Variants in PGAP4 observed in about 807,000 individuals in gnomAD.
The protein encoded by PGAP4 is GPI-N-acetylgalactosamine transferase PGAP4.
A neutral mutation model predicts 28.2 loss-of-function variants in PGAP4; 12 were observed. The ratio of observed to expected loss-of-function variants is 0.42; its 90% CI spans 0.27 to 0.69. The LOEUF (loss-of-function observed/expected upper bound fraction) is 0.69, where lower values mean the gene tolerates loss of function less well. PGAP4 is among the 30% of genes least tolerant of loss of function. The pLI is 0.22. For missense variants in PGAP4, 425 were observed against 513.5 expected (o/e 0.83, Z 1.67); for synonymous variants, 205 against 211.8 (o/e 0.97, Z 0.28).
chr9:101,494,127 A>G (rs752604510), intron 2 of PGAP4, among the ~76,000 whole-genome samples: 1 of 152,034 alleles, frequency 6.6e-6, no homozygotes, highest in Non-Finnish European at 1.5e-5. Flanking sequence ...ACAGGAAGTG[A>G]CAATTTTTAT....
intron 2 of PGAP4, among the ~76,000 whole-genome samples, chr9:101,498,172 G>A (rs905367131): frequency 6.6e-6 from 1 of 151,716 alleles, no homozygotes; most frequent in South Asian, 2.1e-4. Context: ...TTTAATGTTT[G>A]CATTGTGGTG....
chr9:101,507,235 T>C (rs1432576969), intron 2 of PGAP4, among the ~76,000 whole-genome samples: 2 of 152,070 alleles, frequency 1.3e-5, no homozygotes, highest in South Asian at 2.1e-4. Flanking sequence ...CTGTGTTTGC[T>C]GACTAAGGAG....
chr9:101,533,161 G>A (rs1827122418), exon 1 of PGAP4: 1 of 152,130 alleles, frequency 6.6e-6, no homozygotes, highest in South Asian at 2.1e-4. Context: ...ACTGATTGGC[G>A]TTTATCTTTT....
intron 2 of PGAP4, among the ~76,000 whole-genome samples, chr9:101,530,856 C>A (rs1299241083): frequency 6.6e-6 from 1 of 152,188 alleles, no homozygotes; most frequent in Non-Finnish European, 1.5e-5. Flanking sequence ...GTTGGTGAAA[C>A]ATTATTCTGG....
rs1826207167 is a variant in PGAP4, at chr9:101,473,307, T to C, written c.*2574A>G. The C allele has an allele frequency of 6.6e-6, 1 of 152,238 alleles. No homozygotes were observed. Among genetic ancestry groups the C allele is most frequent in the Admixed American group, 6.5e-5 (1 of 15,280 alleles). The allele number at this position is 152,238 out of a possible 1,614,324, so 9.4% of individuals were successfully genotyped here. A position where few individuals can be genotyped will look rare whatever the true frequency, so the allele number is the denominator to read the frequency against. ...GCCTGTTAAGAGACCTCCACCCTTCTAGTAACCTATATCCCTTGATATGGG... is the reference window on the plus strand; with the variant it reads ...GCCTGTTAAGAGACCTCCACCCTTCCAGTAACCTATATCCCTTGATATGGG... On this transcript the variant is annotated 3_prime_UTR_variant, in exon 2 of 2. Transcript: ENST00000374848.
At chr9:101,496,246 G>C (rs891171001) in intron 2 of PGAP4, among the ~76,000 whole-genome samples, 1 of 149,156 alleles carries the variant, frequency 6.7e-6, no homozygotes. Context: ...AGTTGACAAA[G>C]GTTGAGAGAG....
At chr9:101,526,227 G>GT (rs1172736061) in intron 2 of PGAP4, among the ~76,000 whole-genome samples, 1 of 152,098 alleles carries the variant, frequency 6.6e-6, no homozygotes, top group Admixed American at 6.6e-5. Flanking sequence ...TCACTCTGTT[G>GT]TAAGTGGCTA....
intron 1 of PGAP4, among the ~76,000 whole-genome samples, chr9:101,483,006 G>A (rs1826528589): frequency 6.6e-6 from 1 of 152,180 alleles, no homozygotes; most frequent in Admixed American, 6.5e-5. Flanking sequence ...AGTTGCAAGA[G>A]GAAATTCAAG....
chr9:101,500,809 C>A (rs1187965288), intron 2 of PGAP4, among the ~76,000 whole-genome samples: 1 of 152,020 alleles, frequency 6.6e-6, no homozygotes, highest in African/African-American at 2.4e-5. Flanking sequence ...TGATGAAGAT[C>A]TAGATCCCCT....
At chr9:101,501,132 C>T (rs1351568656) in intron 2 of PGAP4, among the ~76,000 whole-genome samples, 1 of 152,074 alleles carries the variant, frequency 6.6e-6, no homozygotes, top group African/African-American at 2.4e-5. Context: ...TCAACCTTTT[C>T]TCTCTCCAGG....
Position 101,476,752 on chromosome 9 carries a change from C to G in PGAP4, c.341G>C (p.Gly114Ala). The change falls in exon 2 of 2, where the codon GGC (glycine) becomes GCC (alanine). Residue 114 changes from glycine to alanine, a missense_variant. Transcript: ENST00000374848. The surrounding 1 kb of genome is among the most constrained non-coding windows in gnomAD (Gnocchi z 7.0). ...CACAACCTGCAGGACGTAGTGGAAGCCAGGCTGCCTGTCCACAGTGATGAT... is the reference window on the plus strand; with the variant it reads ...CACAACCTGCAGGACGTAGTGGAAGGCAGGCTGCCTGTCCACAGTGATGAT... The part of the protein sequence containing the change: ...ITIITVDRQP[G>A]FHYVLQVVSQ... The G allele has an allele frequency of 6.2e-7, 1 of 1,613,636 alleles. No individual in the cohort carries two copies. Among genetic ancestry groups the G allele is most frequent in the Non-Finnish European group, 8.5e-7 (1 of 1,179,670 alleles).
chr9:101,477,922 G>A lies in PGAP4; in HGVS notation c.-77-753C>T, dbSNP rs191560235. ...TGAGTAGCTTTTCAATGAGGGAGCG[G>A]GGGGGGAAAGGCAGAGGTGAATATG... On this transcript the variant is annotated intron_variant, in intron 1 of 1. Coordinates refer to ENST00000374848, the MANE Select transcript of PGAP4 (RefSeq NM_032342.3). Among the ~76,000 whole-genome samples the A allele has an allele frequency of 9.7e-3, 1,444 of 149,054 alleles. 18 individuals carry two copies. Among genetic ancestry groups the A allele is most frequent in the African/African-American group, 0.035 (1,394 of 39,352 alleles).
chr9:101,499,544 T>C (rs1357474974), intron 2 of PGAP4, among the ~76,000 whole-genome samples: 1 of 152,098 alleles, frequency 6.6e-6, no homozygotes, highest in African/African-American at 2.4e-5. Context: ...CATAATTGTT[T>C]TGAAGTAATT....
At chr9:101,522,543 CT>C (rs757174273) in intron 2 of PGAP4, among the ~76,000 whole-genome samples, 1 of 152,138 alleles carries the variant, frequency 6.6e-6, no homozygotes, top group Non-Finnish European at 1.5e-5. Context: ...CCCCTGCTCA[CT>C]TTTGCTTTCC....
At chr9:101,502,473 C>G (rs1251072480) in intron 2 of PGAP4, among the ~76,000 whole-genome samples, 1 of 151,972 alleles carries the variant, frequency 6.6e-6, no homozygotes, top group African/African-American at 2.4e-5. Flanking sequence ...CCTCACCCAG[C>G]CAAATACCTC....
intron 2 of PGAP4, among the ~76,000 whole-genome samples, chr9:101,529,300 C>T (rs547468546): frequency 3.9e-5 from 6 of 151,990 alleles, no homozygotes; most frequent in East Asian, 3.9e-4. Context: ...GAATTACAGG[C>T]GACCACCACC....
chr9:101,492,456 G>T (rs1826699696), intron 2 of PGAP4, among the ~76,000 whole-genome samples: 1 of 151,900 alleles, frequency 6.6e-6, no homozygotes, highest in Non-Finnish European at 1.5e-5. Flanking sequence ...AGTAATTTTT[G>T]TCTTAAAGTC....
chr9:101,510,384 T>A (rs1362560482), intron 2 of PGAP4, among the ~76,000 whole-genome samples: 4 of 103,400 alleles, frequency 3.9e-5, no homozygotes, highest in African/African-American at 1.3e-4. Flanking sequence ...TATGTTCATG[T>A]TTTTTTTTTC....
intron 2 of PGAP4, among the ~76,000 whole-genome samples, chr9:101,524,378 T>G (rs1016758604): frequency 6.6e-6 from 1 of 152,046 alleles, no homozygotes; most frequent in Non-Finnish European, 1.5e-5. Context: ...CTATATGGCT[T>G]GAAAACCGGC....
Sources: gnomAD v4.1 joint callset for allele counts (sites outside exome capture counted in the v4.1 genomes callset) on GRCh38, gnomAD v4.1.1 for gene constraint, Gnocchi (gnomAD v3.1) non-coding constraint, MANE v1.5 for transcripts, NCBI Gene and HGNC (gene_info 2026-07-23, HGNC 2026-07-21) for gene names.